The following LZTS2 variants were observed in gnomAD, a reference collection of about 807,000 sequenced individuals.
LZTS2 encodes the protein leucine zipper putative tumor suppressor 2.
LZTS2 carries 32 observed loss-of-function variants against 60.6 expected under a neutral mutation model. The ratio of observed to expected loss-of-function variants is 0.53; its 90% CI spans 0.40 to 0.71. The LOEUF (loss-of-function observed/expected upper bound fraction) is 0.71. Ranked by LOEUF, LZTS2 falls within the 30% of genes least tolerant of loss-of-function variation. The probability of loss-of-function intolerance (pLI) is 0.00; values close to 1 mark genes in which losing one functional copy is unlikely to be tolerated. For synonymous variants in LZTS2, 360 were observed against 393.1 expected, an observed-to-expected ratio of 0.92 and a Z score of 1.00; for missense variants, 792 against 901.9, an observed-to-expected ratio of 0.88 and a Z score of 1.56.
chr10:101,002,297 C>T (rs149602652), exon 1 of LZTS2: 66 of 386,606 alleles, frequency 1.7e-4, no homozygotes, highest in African/African-American at 1.1e-3. Flanking sequence ...AGTGAATTCA[C>T]TCCTCAGCCC....
upstream of LZTS2, among the ~76,000 whole-genome samples, chr10:100,997,663 G>A (rs1051932297): frequency 2.0e-5 from 3 of 152,214 alleles, no homozygotes; most frequent in Non-Finnish European, 4.4e-5. Flanking sequence ...CCTCCCGCAG[G>A]TGAAGACCAA....
At chr10:101,003,367 T>C in intron 1 of LZTS2, 140 bp from the exon 3 acceptor site, 1 of 790,432 alleles carries the variant, frequency 1.3e-6, no homozygotes, top group African/African-American at 1.7e-5. Context: ...AAGCTGACAC[T>C]GGTGGCCACC....
upstream of LZTS2, among the ~76,000 whole-genome samples, chr10:100,997,768 C>A (rs758495037): frequency 1.3e-5 from 2 of 152,224 alleles, no homozygotes; most frequent in Non-Finnish European, 2.9e-5. Context: ...TAGTCCGGGG[C>A]GCGTTTGCTT....
exon 4 of LZTS2, chr10:101,007,796 C>T (rs1248445708): frequency 2.5e-6 from 1 of 407,674 alleles, no homozygotes; most frequent in East Asian, 1.6e-4. Context: ...TTGTACAAAC[C>T]CAAAGAAAAA....
intron 2 of LZTS2, 86 bp downstream of exon 3, chr10:101,004,252 G>A: frequency 6.9e-7 from 1 of 1,454,466 alleles, no homozygotes; most frequent in South Asian, 1.4e-5. Flanking sequence ...TTTTGGCAGG[G>A]AACGGGGGTT....
exon 1 of LZTS2, chr10:100,999,848 A>AGGGCCAGGGCCGGGGCCG (rs1408964421): frequency 2.7e-5 from 4 of 147,500 alleles, no homozygotes; most frequent in African/African-American, 7.4e-5. Context: ...CGCGCGGGCC[A>AGGGCCAGGGCCGGGGCCG]GGGCCGGGGC....
chr10:101,002,674 CGCCACCA>C lies in LZTS2; in HGVS notation c.137_143del (p.Arg46ProfsTer95). The C allele has an allele frequency of 6.2e-7, 1 of 1,609,240 alleles. No individual in the cohort carries two copies. The highest frequency in any genetic ancestry group is 2.2e-5 in the East Asian group (1 of 44,812). ...CTGTCCCGGGGGGCCAGCTCCTCCC[CGCCACCA>C]CGGCCCTCCTGGGCCCACCTTCTTC... On this transcript the variant is annotated frameshift_variant, in exon 1 of 4. Coordinates refer to ENST00000370220, the Ensembl canonical transcript of LZTS2. LOFTEE classifies it high-confidence loss of function.
intron 1 of LZTS2, 54 bp from the exon 3 acceptor site, chr10:101,003,453 G>T (rs1309891842): frequency 4.7e-6 from 7 of 1,501,098 alleles, no homozygotes; most frequent in Non-Finnish European, 6.2e-6. Flanking sequence ...GTGTCATAAG[G>T]GCTCTGCAAG....
rs200095792 is a variant in LZTS2, at chr10:101,007,105, C to T, written c.1947C>T (p.Asp649=). The change falls in exon 4 of 4, where the codon GAC becomes GAT. Residue 649 remains aspartate (D), a synonymous_variant. Coordinates refer to ENST00000370220, the Ensembl canonical transcript of LZTS2. Reference sequence around the variant, plus strand: ...AGCTGGAGGCCCGGGAGCTCGCTGACCTGGGCCTGGCCGAGCAGGCCCCCT... The same window carrying T: ...AGCTGGAGGCCCGGGAGCTCGCTGATCTGGGCCTGGCCGAGCAGGCCCCCT... The T allele has an allele frequency of 4.0e-5, 65 of 1,611,278 alleles. 1 individual carries two copies. In the South Asian group the frequency reaches 6.9e-4, roughly 17 times the overall value.
rs185218348 is a variant in LZTS2 at position 101,004,889 on chromosome 10, G to A, written c.1069-569G>A. 2.7e-3 allele frequency among the ~76,000 whole-genome samples: 415 copies of A among 152,272 alleles called. 2 individuals are homozygous for A. The highest frequency in any genetic ancestry group is 8.5e-3 in the African/African-American group (354 of 41,546). ...ATTTTTTATTTTTAGTAGAGACAGG[G>A]TTTCCACCATGTTGGCCAAGCTGGT... On this transcript the variant is annotated intron_variant, in intron 2 of 3. Coordinates refer to ENST00000370220, the Ensembl canonical transcript of LZTS2.
At chr10:101,003,820 G>C in exon 2 of LZTS2, 2 of 1,613,466 alleles carry the variant, frequency 1.2e-6, no homozygotes, top group Non-Finnish European at 1.7e-6. Flanking sequence ...CCAACCACCA[G>C]CTCCCCAGGC....
At chr10:101,007,327 G>A in exon 4 of LZTS2, 2 of 1,419,120 alleles carry the variant, frequency 1.4e-6, no homozygotes, top group African/African-American at 2.9e-5. Context: ...AGAACTCAGG[G>A]TGGCCCTATG....
rs142889803 is a variant in LZTS2, at chr10:101,006,593, C to T, written c.1435C>T (p.Arg479Trp). 15 of 1,608,088 alleles carry T rather than the reference C, an allele frequency of 9.3e-6. No homozygotes were observed. In the African/African-American group the frequency reaches 1.3e-4, roughly 14 times the overall value. Residue 479 changes from arginine (R) to tryptophan (W), a missense_variant, in exon 4 of 4, where the codon CGG becomes TGG. Arg to Trp is a moderately radical substitution (Grantham distance 101, BLOSUM62 -3). Transcript: ENST00000370220. ...GCTGGTGGCTCTGCGGGTGGCGCTG[C>T]GGGAGGCCCGTGCTACGCTGCGGGT...
At chr10:101,004,110 G>A (rs1448251784) in exon 2 of LZTS2, 2 of 1,612,884 alleles carry the variant, frequency 1.2e-6, no homozygotes, top group Admixed American at 1.7e-5. Context: ...AGACCGGGAG[G>A]CAGAGCTTCA....
chr10:101,004,620 T>C (rs550492660), intron 2 of LZTS2, among the ~76,000 whole-genome samples: 121 of 152,160 alleles, frequency 8.0e-4, no homozygotes, highest in African/African-American at 2.7e-3. Flanking sequence ...AAAACAAAAC[T>C]TGTGGGGTGG....
chr10:101,005,791 TC>T, intron 3 of LZTS2, 76 bp downstream of exon 4: 2 of 1,417,530 alleles, frequency 1.4e-6, no homozygotes, highest in Non-Finnish European at 1.8e-6. Context: ...AGCCCCACCC[TC>T]CCTCAGCCTG....
exon 4 of LZTS2, chr10:101,007,171 C>T (rs777820382): frequency 1.3e-6 from 2 of 1,559,228 alleles, no homozygotes; most frequent in South Asian, 2.4e-5. Flanking sequence ...AGATCTAGGG[C>T]CCTCAGCAAC....
chr10:101,007,375 G>C (rs983692088), exon 4 of LZTS2: 1 of 1,417,878 alleles, frequency 7.1e-7, no homozygotes, highest in South Asian at 1.5e-5. Flanking sequence ...AAAGGTCCCC[G>C]TGTTCACTGT....
At chr10:101,007,452 T>A in exon 4 of LZTS2, 1 of 1,466,186 alleles carries the variant, frequency 6.8e-7, no homozygotes, top group Non-Finnish European at 9.1e-7. Context: ...CCAACCCTGT[T>A]CACAGGCGCT....
Sources: gnomAD v4.1 joint callset for allele counts (sites outside exome capture counted in the v4.1 genomes callset) on GRCh38, gnomAD v4.1.1 for gene constraint, MANE v1.5 for transcripts, NCBI Gene and HGNC (gene_info 2026-07-23, HGNC 2026-07-21) for gene names.